NUP62CL: variants seen among roughly 807,000 people sequenced by gnomAD.
NUP62CL encodes nucleoporin 62 C-terminal like, also known as nucleoporin-62 C-terminal-like protein.
In NUP62CL, 13 loss-of-function variants were observed where a neutral mutation model predicts 15.3. The observed-to-expected ratio is 0.85, with a 90% confidence interval of 0.55 to 1.35. The LOEUF (loss-of-function observed/expected upper bound fraction) is 1.35, where lower values mean the gene tolerates loss of function less well. NUP62CL is among the 40% of genes most tolerant of loss of function. NUP62CL has a pLI of 0.00. For missense variants in NUP62CL, 123 were observed against 130.6 expected, an observed-to-expected ratio of 0.94 and a Z score of 0.28; for synonymous variants, 54 against 49.2, an observed-to-expected ratio of 1.10 and a Z score of -0.41.
rs762818279 is a variant in NUP62CL at position 107,167,919 on chromosome X, A to G, written c.59-135T>C. ...ACTCAAAGATGCAGATTTGAATTCA[A>G]CACTGTTGTAATATGAAATAATAAA... On this transcript the variant is annotated intron_variant, in intron 3 of 8. Transcript: ENST00000372466. 15 of 511,959 alleles carry G rather than the reference A, an allele frequency of 2.9e-5. No individual in the cohort carries two copies. In the East Asian group the frequency reaches 3.2e-4, roughly 11 times the overall value. The allele number at this position is 511,959 out of a possible 1,213,427, so 42.2% of individuals were successfully genotyped here.
At chrX:107,204,869 A>T (rs866416827) in intron 1 of NUP62CL, among the ~76,000 whole-genome samples, 1 of 62,276 alleles carries the variant, frequency 1.6e-5, no homozygotes, top group Non-Finnish European at 2.6e-5. Context: ...TTTTAAATAA[A>T]TTATTTAAAT....
intron 8 of NUP62CL, among the ~76,000 whole-genome samples, chrX:107,130,202 C>G (rs1285546): frequency 0.37 from 40,569 of 110,082 alleles, 8,113 homozygotes; most frequent in African/African-American, 0.77. Flanking sequence ...CTCAGTGGGT[C>G]AAACAGATCC....
At chrX:107,179,228 G>T (rs1926857808) in intron 2 of NUP62CL, among the ~76,000 whole-genome samples, 1 of 111,160 alleles carries the variant, frequency 9.0e-6, no homozygotes, top group Non-Finnish European at 1.9e-5. Flanking sequence ...ATTTGAAATT[G>T]CCTATTCATG....
intron 8 of NUP62CL, among the ~76,000 whole-genome samples, chrX:107,130,295 CATGAGGTTCAG>C (rs1292509630): frequency 8.9e-6 from 1 of 111,784 alleles, no homozygotes; most frequent in Non-Finnish European, 1.9e-5. Flanking sequence ...GAAAAGTTCA[CATGAGGTTCAG>C]GAATCAAAAT....
intron 1 of NUP62CL, among the ~76,000 whole-genome samples, chrX:107,200,631 A>AAG (rs780197630): frequency 4.7e-4 from 50 of 106,328 alleles, no homozygotes; most frequent in Non-Finnish European, 7.9e-4. Context: ...AAAAAAAAAA[A>AAG]AGAGAGAGAG....
intron 1 of NUP62CL, among the ~76,000 whole-genome samples, chrX:107,196,560 G>A (rs1457214111): frequency 1.8e-5 from 2 of 112,199 alleles, no homozygotes; most frequent in South Asian, 7.4e-4. Context: ...TCCTGCCTCA[G>A]CCTCCCAAGT....
At chrX:107,131,969 A>AG in intron 8 of NUP62CL, 1 of 1,013,897 alleles carries the variant, frequency 9.9e-7, no homozygotes, top group Non-Finnish European at 1.4e-6. Flanking sequence ...CTGACAGAGA[A>AG]GAAGGAAGGA....
At chrX:107,156,031 A>C (rs1351536020) in intron 4 of NUP62CL, among the ~76,000 whole-genome samples, 1 of 111,240 alleles carries the variant, frequency 9.0e-6, no homozygotes, top group Non-Finnish European at 1.9e-5. Context: ...ACGCACCTGG[A>C]AAATCGGGTC....
At chrX:107,162,089 G>A (rs748540246) in intron 4 of NUP62CL, among the ~76,000 whole-genome samples, 27 of 110,462 alleles carry the variant, frequency 2.4e-4, no homozygotes, top group African/African-American at 3.3e-4. Flanking sequence ...TAAAATAACC[G>A]AAATAACAAG....
chrX:107,199,118 T>C, intron 1 of NUP62CL, among the ~76,000 whole-genome samples: 2 of 111,318 alleles, frequency 1.8e-5, no homozygotes, highest in Middle Eastern at 4.6e-3. Flanking sequence ...CTCTCTTATG[T>C]AATATAAAGG....
intron 7 of NUP62CL, among the ~76,000 whole-genome samples, chrX:107,152,075 T>TATATA (rs1240423833): frequency 5.5e-5 from 3 of 54,461 alleles, no homozygotes; most frequent in South Asian, 9.4e-4. Flanking sequence ...TATATATATA[T>TATATA]TCAGATATAT....
At chrX:107,134,755 AT>A (rs991523424) in intron 8 of NUP62CL, among the ~76,000 whole-genome samples, 2 of 111,382 alleles carry the variant, frequency 1.8e-5, no homozygotes, top group South Asian at 3.8e-4. Flanking sequence ...GGCCCAAAGA[AT>A]TTTTTTCTTT....
chrX:107,138,561 G>T (rs1925695118), intron 8 of NUP62CL, among the ~76,000 whole-genome samples: 1 of 111,997 alleles, frequency 8.9e-6, no homozygotes, highest in Non-Finnish European at 1.9e-5. Flanking sequence ...ACAGGAAAAG[G>T]TTCAGCACCA....
At chrX:107,151,001 A>G (rs752464053) in intron 7 of NUP62CL, 1 of 338,706 alleles carries the variant, frequency 3.0e-6, no homozygotes, top group Non-Finnish European at 5.9e-6. Context: ...GGATTAACAA[A>G]AAGTGTTTTC....
At chrX:107,186,120 TAG>T (rs1927056007) in intron 2 of NUP62CL, among the ~76,000 whole-genome samples, 1 of 111,372 alleles carries the variant, frequency 9.0e-6, no homozygotes, top group Non-Finnish European at 1.9e-5. Flanking sequence ...ATTACACAGT[TAG>T]AGAGTTCAAT....
rs1405483214 is a variant in NUP62CL at position 107,133,626 on chromosome X, T to C, written c.*43-9294A>G. On this transcript the variant is annotated intron_variant, in intron 8 of 8. Transcript: ENST00000372466. ...TGCTGGGATTGCAGGCATGAACCAC[T>C]GCACCCTGCTGAAGGTGTATAAGAT... Among the ~76,000 whole-genome samples the C allele has an allele frequency of 7.1e-5, 8 of 112,629 alleles. 1 individual carries two copies.
intron 1 of NUP62CL, among the ~76,000 whole-genome samples, chrX:107,203,391 A>G (rs1344635905): frequency 1.5e-4 from 16 of 108,930 alleles, no homozygotes; most frequent in Non-Finnish European, 2.9e-4. Flanking sequence ...CCACAGGCAC[A>G]TGCCACCAAG....
At chrX:107,142,598 G>A (rs761009786) in intron 8 of NUP62CL, among the ~76,000 whole-genome samples, 6 of 111,953 alleles carry the variant, frequency 5.4e-5, no homozygotes, top group African/African-American at 1.9e-4. Context: ...TCCATTGCCC[G>A]TTCCTTTATT....
intron 1 of NUP62CL, among the ~76,000 whole-genome samples, chrX:107,203,347 G>A (rs376474328): frequency 6.1e-4 from 66 of 107,416 alleles, no homozygotes; most frequent in African/African-American, 2.1e-3. Flanking sequence ...ATGCTCAAGC[G>A]ATCCTCTCAC....
Sources: gnomAD v4.1 joint callset for allele counts (sites outside exome capture counted in the v4.1 genomes callset) on GRCh38, gnomAD v4.1.1 for gene constraint, MANE v1.5 for transcripts, NCBI Gene and HGNC (gene_info 2026-07-23, HGNC 2026-07-21) for gene names.